Variants in GRIN2A observed in about 807,000 individuals in gnomAD.
GRIN2A encodes glutamate ionotropic receptor NMDA type subunit 2A.
Under a neutral mutation model 113.4 loss-of-function variants are expected in GRIN2A, and 22 were observed. The ratio of observed to expected loss-of-function variants is 0.19; its 90% CI spans 0.14 to 0.28. The LOEUF (loss-of-function observed/expected upper bound fraction) is 0.28. GRIN2A is among the 10% of genes least tolerant of loss of function. The pLI, the probability that GRIN2A is intolerant of heterozygous loss-of-function variation, is 1.00. For synonymous variants in GRIN2A, 827 were observed against 738.4 expected, an observed-to-expected ratio of 1.12 and a Z score of -1.94; for missense variants, 1,502 against 1,887.0, an observed-to-expected ratio of 0.80 and a Z score of 3.78.
chr16:9,777,391 G>C (rs1901670138), intron 11 of GRIN2A, among the ~76,000 whole-genome samples: 1 of 152,184 alleles, frequency 6.6e-6, no homozygotes, highest in Non-Finnish European at 1.5e-5. Flanking sequence ...ATTTGCCGAA[G>C]TGAAAAAATA....
At chr16:9,765,444 T>A (rs2141139828) in intron 12 of GRIN2A, among the ~76,000 whole-genome samples, 1 of 152,346 alleles carries the variant, frequency 6.6e-6, no homozygotes, top group East Asian at 1.9e-4. Flanking sequence ...ATGCAAAAGC[T>A]AACAATCAAA....
chr16:10,148,546 A>T (rs887407670), intron 2 of GRIN2A, among the ~76,000 whole-genome samples: 2 of 152,136 alleles, frequency 1.3e-5, no homozygotes, highest in African/African-American at 4.8e-5. Flanking sequence ...ATCTGCTTCC[A>T]CTTGAATGTG....
At chr16:9,922,955 T>C (rs912558319) in intron 3 of GRIN2A, among the ~76,000 whole-genome samples, 1 of 152,208 alleles carries the variant, frequency 6.6e-6, no homozygotes, top group African/African-American at 2.4e-5. Flanking sequence ...AAAATGTGTG[T>C]TCTGTTGTTG....
chr16:9,763,417 C>T lies in GRIN2A; in HGVS notation c.4127G>A (p.Arg1376His), dbSNP rs544975518. 1.2e-6 allele frequency: 2 copies of T among 1,614,066 alleles called. No individual in the cohort carries two copies. The highest frequency in any genetic ancestry group is 1.7e-5 in the Admixed American group (1 of 60,016). Residue 1376 changes from arginine (R) to histidine (H), a missense_variant, in exon 13 of 13, where the codon CGC becomes CAC. Transcript: ENST00000330684. ...PFLHSHRDDQRLVIGRCPSDP... is the reference protein window; with the variant it reads ...PFLHSHRDDQHLVIGRCPSDP... ...CGAGGGGCATCTCCCAATAACCAAG[C>T]GTTGGTCATCCCTGTGGGAGTGGAG... is the stretch of plus-strand genomic sequence containing the variant.
chr16:9,880,020 C>G (rs966303993), intron 4 of GRIN2A, among the ~76,000 whole-genome samples: 34 of 152,222 alleles, frequency 2.2e-4, no homozygotes, highest in Admixed American at 2.1e-3. Flanking sequence ...TCAAACTTAC[C>G]CATTTGAAAC....
Position 10,118,221 on chromosome 16 carries a change from C to T in GRIN2A, c.414+61777G>A, listed in dbSNP as rs75790065. Among the ~76,000 whole-genome samples, 1,131 of 152,190 alleles carry T rather than the reference C, an allele frequency of 7.4e-3. 18 individuals are homozygous for T. Among genetic ancestry groups the T allele is most frequent in the African/African-American group, 0.026 (1,083 of 41,516 alleles). On this transcript the variant is annotated intron_variant, in intron 2 of 12. Transcript: ENST00000330684. Reference sequence around the variant, plus strand: ...ACATTGTTATATATCTGTATTCAGCCGTGCTGGAAGCCAGATACCCTGAAC... The same window carrying T: ...ACATTGTTATATATCTGTATTCAGCTGTGCTGGAAGCCAGATACCCTGAAC...
chr16:10,056,892 G>C (rs750679000), intron 2 of GRIN2A, among the ~76,000 whole-genome samples: 1 of 152,054 alleles, frequency 6.6e-6, no homozygotes, highest in Admixed American at 6.6e-5. Context: ...TTTGAGCCAC[G>C]AAGTTTGCAG....
At chr16:10,106,437 A>T (rs1378497534) in intron 2 of GRIN2A, among the ~76,000 whole-genome samples, 2 of 152,020 alleles carry the variant, frequency 1.3e-5, no homozygotes, top group Non-Finnish European at 2.9e-5. Context: ...CAATAAATAA[A>T]TAAAAATAAG....
chr16:9,825,689 G>A (rs567410280), intron 9 of GRIN2A, among the ~76,000 whole-genome samples: 143 of 152,190 alleles, frequency 9.4e-4, no homozygotes, highest in African/African-American at 3.2e-3. Flanking sequence ...GAAGTCCCAC[G>A]TGCTTCTTGA....
chr16:9,957,569 T>C (rs1401431831), intron 2 of GRIN2A, among the ~76,000 whole-genome samples: 3 of 151,906 alleles, frequency 2.0e-5, no homozygotes, highest in African/African-American at 7.3e-5. Context: ...GTGGCCAGAG[T>C]AGTGGAAATA....
intron 4 of GRIN2A, among the ~76,000 whole-genome samples, chr16:9,862,351 A>G (rs562459236): frequency 6.6e-6 from 1 of 152,324 alleles, no homozygotes; most frequent in African/African-American, 2.4e-5. Context: ...AACTGCTCTC[A>G]AGATAATCTA....
Position 9,975,820 on chromosome 16 carries a change from G to A in GRIN2A, c.415-37269C>T, listed in dbSNP as rs190883271. Among the ~76,000 whole-genome samples, 3 of 152,238 alleles carry A rather than the reference G, an allele frequency of 2.0e-5. No individual in the cohort carries two copies. In the East Asian group the frequency reaches 5.8e-4, roughly 29 times the overall value. On this transcript the variant is annotated intron_variant, in intron 2 of 12. Coordinates refer to ENST00000330684, the MANE Select transcript of GRIN2A (RefSeq NM_001134407.3). ...GCAGACAGATTCAAAGTAAATTAAT[G>A]GAAAAAGATACAACACACAACCAGA... is the stretch of plus-strand genomic sequence containing the variant.
At chr16:9,954,551 A>C (rs2045261180) in intron 2 of GRIN2A, among the ~76,000 whole-genome samples, 1 of 152,100 alleles carries the variant, frequency 6.6e-6, no homozygotes, top group South Asian at 2.1e-4. Flanking sequence ...GCCATTAAAC[A>C]CTCACCTCAT....
chr16:9,872,704 T>C lies in GRIN2A; in HGVS notation c.1122+18282A>G, dbSNP rs1454785816. On this transcript the variant is annotated intron_variant, in intron 4 of 12. Coordinates refer to ENST00000330684, the MANE Select transcript of GRIN2A (RefSeq NM_001134407.3). ...TGGATGGAACTGGAGGCCATGATCA[T>C]AAGTGAAGCAACTCAGACACAGAGA... is the stretch of plus-strand genomic sequence containing the variant. Among the ~76,000 whole-genome samples, 2 of 152,168 alleles carry C rather than the reference T, an allele frequency of 1.3e-5. 1 individual carries two copies. The highest frequency in any genetic ancestry group is 3.9e-4 in the East Asian group (2 of 5,174).
intron 2 of GRIN2A, among the ~76,000 whole-genome samples, chr16:10,124,021 C>G (rs60964509): frequency 6.6e-6 from 1 of 152,124 alleles, no homozygotes; most frequent in Non-Finnish European, 1.5e-5. Context: ...TTCCCACCTT[C>G]TTTCCAGGCA....
chr16:9,812,731 T>G (rs925403167), intron 10 of GRIN2A, among the ~76,000 whole-genome samples: 7 of 152,116 alleles, frequency 4.6e-5, no homozygotes, highest in Admixed American at 1.3e-4. Context: ...AATTGCTTTG[T>G]GTCCAAAGCA....
intron 2 of GRIN2A, among the ~76,000 whole-genome samples, chr16:10,055,494 C>T (rs1042773178): frequency 1.3e-5 from 2 of 152,160 alleles, no homozygotes; most frequent in African/African-American, 4.8e-5. Flanking sequence ...TTCTCTGAGA[C>T]TCCTTAGTTC....
chr16:9,861,814 A>G (rs1262562461), intron 4 of GRIN2A, among the ~76,000 whole-genome samples: 1 of 152,252 alleles, frequency 6.6e-6, no homozygotes, highest in Non-Finnish European at 1.5e-5. Context: ...CTTCACTGCC[A>G]TGAGCCTTGG....
chr16:9,818,794 C>A (rs1009699912), intron 10 of GRIN2A, among the ~76,000 whole-genome samples: 2 of 152,166 alleles, frequency 1.3e-5, no homozygotes, highest in South Asian at 2.1e-4. Flanking sequence ...CTCTCATGCA[C>A]TGATGGGGTA....
Sources: gnomAD v4.1 joint callset for allele counts (sites outside exome capture counted in the v4.1 genomes callset) on GRCh38, gnomAD v4.1.1 for gene constraint, MANE v1.5 for transcripts, NCBI Gene and HGNC (gene_info 2026-07-23, HGNC 2026-07-21) for gene names.